PATJ: variants seen among roughly 807,000 people sequenced by gnomAD.
PATJ encodes the protein inaD-like protein.
A neutral mutation model predicts 224.9 loss-of-function variants in PATJ; 190 were observed. The ratio of observed to expected loss-of-function variants is 0.84; its 90% CI spans 0.75 to 0.95. PATJ has a LOEUF of 0.95. Ranked by LOEUF, PATJ falls within the 40% of genes least tolerant of loss-of-function variation. The pLI is 0.00. For missense variants in PATJ, 2,121 were observed against 2,270.3 expected (o/e 0.93, Z 1.34); for synonymous variants, 769 against 820.3 (o/e 0.94, Z 1.07).
intron 26 of PATJ, among the ~76,000 whole-genome samples, chr1:61,923,922 C>CAAA (rs535481890): frequency 2.6e-5 from 2 of 77,772 alleles, no homozygotes; most frequent in Admixed American, 2.7e-4. Flanking sequence ...AACTCCATCT[C>CAAA]AAAAAAAAAA....
At chr1:61,899,723 CAG>C in intron 23 of PATJ, 69 bp downstream of exon 23, 1 of 1,048,406 alleles carries the variant, frequency 9.5e-7, no homozygotes, top group African/African-American at 1.6e-5. Context: ...TTTAACTTAA[CAG>C]AACATTATTT....
intron 35 of PATJ, among the ~76,000 whole-genome samples, chr1:62,115,787 C>A (rs1664391785): frequency 6.6e-6 from 1 of 151,584 alleles, no homozygotes; most frequent in South Asian, 2.1e-4. Context: ...GTCTGTCCAG[C>A]AGGCCAAGCT....
At chr1:62,047,992 C>CGA (rs778910848) in intron 30 of PATJ, among the ~76,000 whole-genome samples, 1 of 152,134 alleles carries the variant, frequency 6.6e-6, no homozygotes, top group Non-Finnish European at 1.5e-5. Context: ...AAAGGAAGAA[C>CGA]GAGAGAGAAA....
At chr1:61,783,091 T>C (rs1394189879) in intron 7 of PATJ, among the ~76,000 whole-genome samples, 1 of 152,156 alleles carries the variant, frequency 6.6e-6, no homozygotes, top group Non-Finnish European at 1.5e-5. Flanking sequence ...AGACTTTCAG[T>C]GTAGAGTAAG....
intron 27 of PATJ, among the ~76,000 whole-genome samples, chr1:61,962,567 CTTCTT>C (rs1377639746): frequency 2.0e-5 from 3 of 152,146 alleles, no homozygotes; most frequent in African/African-American, 7.2e-5. Flanking sequence ...GTTTTGAAGA[CTTCTT>C]TTAGTTAGTA....
Position 61,973,417 on chromosome 1 carries a change from G to A in PATJ, c.3671-16751G>A, listed in dbSNP as rs561885791. On this transcript the variant is annotated intron_variant, in intron 27 of 43. Transcript: ENST00000642238. Reference sequence around the variant, plus strand: ...GCAGGTATGCAGAGAGAAGTTCCACGCTATCAGTCACTAAAGGAACCAGGT... The same window carrying A: ...GCAGGTATGCAGAGAGAAGTTCCACACTATCAGTCACTAAAGGAACCAGGT... Among the ~76,000 whole-genome samples, 39 of 152,154 alleles carry A rather than the reference G, an allele frequency of 2.6e-4. No individual in the cohort carries two copies. In the South Asian group the frequency reaches 5.8e-3, roughly 23 times the overall value.
At chr1:61,764,642 G>GA (rs149431177) in intron 3 of PATJ, among the ~76,000 whole-genome samples, 3,710 of 152,092 alleles carry the variant, frequency 0.024, 69 homozygotes, top group African/African-American at 0.049. Context: ...CAAAATTTGG[G>GA]AAAAAATGGT....
At chr1:61,863,225 G>A (rs535620168) in intron 19 of PATJ, among the ~76,000 whole-genome samples, 9 of 151,580 alleles carry the variant, frequency 5.9e-5, no homozygotes, top group South Asian at 2.1e-4. Flanking sequence ...TTGTAGAGAC[G>A]GGGGCTCACT....
intron 28 of PATJ, chr1:61,991,853 T>A: frequency 2.0e-6 from 1 of 497,144 alleles, no homozygotes; most frequent in Non-Finnish European, 2.6e-6. Flanking sequence ...GTGATGCTGG[T>A]AGTAAAAATG....
chr1:61,970,975 T>C (rs931597078), intron 27 of PATJ, among the ~76,000 whole-genome samples: 6 of 152,226 alleles, frequency 3.9e-5, no homozygotes, highest in Non-Finnish European at 5.9e-5. Context: ...CAAGCTTAAT[T>C]AACGAAAGCT....
chr1:62,039,464 C>T (rs1166011913), intron 30 of PATJ, among the ~76,000 whole-genome samples: 1 of 152,166 alleles, frequency 6.6e-6, no homozygotes, highest in Non-Finnish European at 1.5e-5. Flanking sequence ...AAAACTAAGG[C>T]TTCCTACCAA....
At chr1:61,973,616 A>T (rs1683265501) in intron 27 of PATJ, among the ~76,000 whole-genome samples, 1 of 151,988 alleles carries the variant, frequency 6.6e-6, no homozygotes, top group South Asian at 2.1e-4. Flanking sequence ...GTTGAGCATT[A>T]TTGCATGACT....
chr1:61,882,119 C>G (rs1194027165), intron 21 of PATJ, among the ~76,000 whole-genome samples: 1 of 152,008 alleles, frequency 6.6e-6, no homozygotes, highest in African/African-American at 2.4e-5. Flanking sequence ...TAAAGTCGGC[C>G]CACATTCTGG....
At chr1:61,961,701 G>A (rs1182093074) in intron 27 of PATJ, among the ~76,000 whole-genome samples, 1 of 152,114 alleles carries the variant, frequency 6.6e-6, no homozygotes, top group East Asian at 1.9e-4. Flanking sequence ...GGGCGCGGTG[G>A]CTCGTGCCTG....
chr1:61,865,562 T>C (rs1570974647), intron 20 of PATJ: 1 of 152,208 alleles, frequency 6.6e-6, no homozygotes, highest in East Asian at 1.9e-4. Context: ...TATATTTTAA[T>C]AGATTTGCCT....
chr1:61,856,102 G>C lies in PATJ; in HGVS notation c.2185G>C (p.Gly729Arg), dbSNP rs759033719. The C allele has an allele frequency of 6.2e-7, 1 of 1,613,998 alleles. No homozygotes were observed. The highest frequency in any genetic ancestry group is 8.5e-7 in the Non-Finnish European group (1 of 1,179,896). ...AGCAGATGGTGTAGCAGAAAGAAGTGGGGGACTATTACCTGGAGACCGCCT... is the reference window on the plus strand; with the variant it reads ...AGCAGATGGTGTAGCAGAAAGAAGTCGGGGACTATTACCTGGAGACCGCCT... ...LVADGVAERS[G>R]GLLPGDRLVS... The change falls in exon 18 of 44, where the codon GGG becomes CGG. Residue 729 changes from glycine to arginine, a missense_variant. By Grantham distance (125) the Gly-to-Arg change is moderately radical (BLOSUM62 -2). Coordinates refer to ENST00000642238, the MANE Select transcript of PATJ (RefSeq NM_001350145.3).
intron 41 of PATJ, among the ~76,000 whole-genome samples, chr1:62,141,744 G>T (rs1278664929): frequency 1.3e-5 from 2 of 151,346 alleles, no homozygotes; most frequent in African/African-American, 2.4e-5. Flanking sequence ...GCCAAGGCAG[G>T]TTGATCACCT....
intron 27 of PATJ, among the ~76,000 whole-genome samples, chr1:61,982,139 G>A (rs1251525366): frequency 1.3e-5 from 2 of 151,992 alleles, no homozygotes; most frequent in African/African-American, 4.8e-5. Context: ...TCTAGTTTCT[G>A]TGGCCACTTC....
chr1:62,033,309 C>T (rs923160617), intron 29 of PATJ, among the ~76,000 whole-genome samples: 1 of 152,088 alleles, frequency 6.6e-6, no homozygotes, highest in Non-Finnish European at 1.5e-5. Flanking sequence ...TAACCACCAG[C>T]CAGCTTAAAC....
Sources: allele counts gnomAD v4.1 joint callset (sites outside exome capture counted in the v4.1 genomes callset), GRCh38; gene constraint gnomAD v4.1.1; transcripts MANE v1.5; gene names NCBI Gene and HGNC (gene_info 2026-07-23, HGNC 2026-07-21).